Variants in CLEC4A observed in about 807,000 individuals in gnomAD.
The protein encoded by CLEC4A is C-type (calcium dependent, carbohydrate-recognition domain) lectin, superfamily member 6.
A neutral mutation model predicts 32.7 loss-of-function variants in CLEC4A; 27 were observed. The observed-to-expected ratio is 0.83, with a 90% CI of 0.61 to 1.14. The LOEUF (loss-of-function observed/expected upper bound fraction) is 1.14. CLEC4A is among the 50% of genes most tolerant of loss of function. The pLI, the probability that CLEC4A is intolerant of heterozygous loss-of-function variation, is 0.00. For synonymous variants in CLEC4A, 89 were observed against 93.7 expected (o/e 0.95, Z 0.29); for missense variants, 253 against 274.6 (o/e 0.92, Z 0.55).
rs762037381 is a variant in CLEC4A at position 8,129,329 on chromosome 12, T to C, written c.265T>C (p.Leu89=). ...KTTKELVHTT[L]ECVKKNMPVE... Reference sequence around the variant, plus strand: ...TACAAAAGAGCTGGTTCATACAACATTGGAGTGTGTGAAAAAAAATATGCC... The same window carrying C: ...TACAAAAGAGCTGGTTCATACAACACTGGAGTGTGTGAAAAAAAATATGCC... The change falls in exon 3 of 6, where the codon TTG becomes CTG. Residue 89 remains leucine (L), a synonymous_variant. Transcript: ENST00000229332. 4.9e-5 allele frequency: 79 copies of C among 1,607,618 alleles called. No homozygotes were observed. The highest frequency in any genetic ancestry group is 3.8e-4 in the South Asian group (34 of 89,624).
chr12:8,115,919 G>A, the CLEC4A span, among the ~76,000 whole-genome samples: 33 of 152,094 alleles, frequency 2.2e-4, no homozygotes, highest in Non-Finnish European at 4.0e-4. Context: ...CTCCTAAGAA[G>A]CTGGGACTAT....
chr12:8,108,424 G>A, the CLEC4A span, among the ~76,000 whole-genome samples: 2 of 152,052 alleles, frequency 1.3e-5, no homozygotes, highest in Non-Finnish European at 2.9e-5. Flanking sequence ...TTTTTTTGTA[G>A]CCTTTTCAAA....
At chr12:8,122,786 T>G (rs1947845361), upstream of CLEC4A, among the ~76,000 whole-genome samples, 1 of 151,980 alleles carries the variant, frequency 6.6e-6, no homozygotes, top group East Asian at 1.9e-4. Context: ...TATTTAGATA[T>G]AGAAATAATA....
chr12:8,129,161 G>A, intron 2 of CLEC4A, 103 bp from the exon 3 acceptor site: 4 of 674,926 alleles, frequency 5.9e-6, no homozygotes, highest in Middle Eastern at 4.2e-4. Context: ...CAGTAATAGG[G>A]CATTTGTAAG....
intron 3 of CLEC4A, among the ~76,000 whole-genome samples, chr12:8,130,506 G>A (rs981202487): frequency 2.0e-5 from 3 of 151,864 alleles, no homozygotes; most frequent in Non-Finnish European, 4.4e-5. Flanking sequence ...CCAGTAGCTG[G>A]GATCAAAGGT....
chr12:8,115,362 T>G, the CLEC4A span, among the ~76,000 whole-genome samples: 1 of 152,154 alleles, frequency 6.6e-6, no homozygotes, highest in Non-Finnish European at 1.5e-5. Context: ...ATTCTCAAAA[T>G]TATGGATTTA....
intron 5 of CLEC4A, 43 bp from the exon 6 acceptor site, chr12:8,138,097 G>T (rs200860072): frequency 6.3e-7 from 1 of 1,593,368 alleles, no homozygotes; most frequent in Non-Finnish European, 8.6e-7. Flanking sequence ...CCTTTTCAAA[G>T]CTCTGTTTGA....
chr12:8,125,584 C>T lies in CLEC4A; in HGVS notation c.106C>T (p.His36Tyr). ...AGCTTCCAAGGAGAGGACTGCCCCT[C>T]ACAAAAGTAATACCGGATTCCCCAA... ...SAASKERTAP[H>Y]KSNTGFPKLL... Residue 36 changes from histidine to tyrosine, a missense_variant, in exon 2 of 6, where the codon CAC becomes TAC. Coordinates refer to ENST00000229332, the MANE Select transcript of CLEC4A (RefSeq NM_016184.4). 6.2e-7 allele frequency: 1 copy of T among 1,611,936 alleles called. No homozygotes were observed. Among genetic ancestry groups the T allele is most frequent in the South Asian group, 1.1e-5 (1 of 91,040 alleles).
chr12:8,126,027 T>G (rs1591606741), intron 2 of CLEC4A, among the ~76,000 whole-genome samples: 1 of 152,190 alleles, frequency 6.6e-6, no homozygotes, highest in East Asian at 1.9e-4. Context: ...CCAGTCTGAT[T>G]TGAATGCACA....
the CLEC4A span, among the ~76,000 whole-genome samples, chr12:8,111,167 T>C: frequency 7.0e-6 from 1 of 143,696 alleles, no homozygotes; most frequent in African/African-American, 2.5e-5. Context: ...CCACCGCGCC[T>C]GGCCCAACAT....
chr12:8,115,587 C>T, the CLEC4A span, among the ~76,000 whole-genome samples: 3 of 152,116 alleles, frequency 2.0e-5, no homozygotes, highest in East Asian at 3.9e-4. Context: ...TCTTGTAAAA[C>T]GGTGAGATGT....
In CLEC4A at chr12:8,138,186, GT is replaced by G; in HGVS notation, c.614del (p.Val205GlyfsTer2). On this transcript the variant is annotated frameshift_variant, in exon 6 of 6. Coordinates refer to ENST00000229332, the MANE Select transcript of CLEC4A (RefSeq NM_016184.4). LOFTEE classifies it high-confidence loss of function. Reference sequence around the variant, plus strand: ...CAGTGATCCCAATGAGCGCTGCGTTGTGCTAAATTTTCGTAAATCACCCAAA... The same window carrying G: ...CAGTGATCCCAATGAGCGCTGCGTTGGCTAAATTTTCGTAAATCACCCAAA... Reference protein sequence around the residue: ...EPSDPNERCVVLNFRKSPKRW... With the variant: ...EPSDPNERCVXLNFRKSPKRW... 2 of 1,614,144 alleles carry G rather than the reference GT, an allele frequency of 1.2e-6. No homozygotes were observed. The highest frequency in any genetic ancestry group is 1.7e-6 in the Non-Finnish European group (2 of 1,180,032).
At chr12:8,134,416 G>C (rs1253518037) in intron 3 of CLEC4A, 2 of 1,613,940 alleles carry the variant, frequency 1.2e-6, no homozygotes, top group Non-Finnish European at 1.7e-6. Context: ...AATTGCTCGA[G>C]TTCTTTCTGC....
At chr12:8,130,610 G>A (rs892657160) in intron 3 of CLEC4A, among the ~76,000 whole-genome samples, 1 of 152,066 alleles carries the variant, frequency 6.6e-6, no homozygotes, top group African/African-American at 2.4e-5. Flanking sequence ...TTGAATTCCT[G>A]GCTTCAAGCA....
At chr12:8,113,005 T>G in the CLEC4A span, among the ~76,000 whole-genome samples, 22 of 152,174 alleles carry the variant, frequency 1.4e-4, no homozygotes, top group African/African-American at 5.1e-4. Flanking sequence ...TTAGGGTACA[T>G]GTGCACAACG....
intron 3 of CLEC4A, chr12:8,134,154 G>C: frequency 1.2e-6 from 2 of 1,607,608 alleles, no homozygotes; most frequent in Non-Finnish European, 1.7e-6. Flanking sequence ...ATACTGGTTC[G>C]CTTTCTCTTT....
Position 8,136,911 on chromosome 12 carries a change from T to G in CLEC4A, c.566+8T>G. On this transcript the variant is annotated splice_region_variant and intron_variant, in intron 5 of 5. Coordinates refer to ENST00000229332, the MANE Select transcript of CLEC4A (RefSeq NM_016184.4). The stretch of plus-strand genomic sequence containing the variant: ...ATACAATGAAAGTTCCACGTGAGTA[T>G]AGAATGAGATAAAAGAATCTTGGGT... 2 of 1,572,046 alleles carry G rather than the reference T, an allele frequency of 1.3e-6. No individual in the cohort carries two copies. The highest frequency in any genetic ancestry group is 1.3e-5 in the African/African-American group (1 of 74,098).
chr12:8,119,265 C>A (rs143907662), upstream of CLEC4A, among the ~76,000 whole-genome samples: 3 of 152,334 alleles, frequency 2.0e-5, no homozygotes, highest in African/African-American at 7.2e-5. Flanking sequence ...GCTACTGTTG[C>A]CCAGGCTGGA....
chr12:8,126,463 G>T (rs190587062), intron 2 of CLEC4A, among the ~76,000 whole-genome samples: 1 of 148,990 alleles, frequency 6.7e-6, no homozygotes, highest in East Asian at 2.0e-4. Flanking sequence ...CAAGCAGTCT[G>T]CCTACCTCAG....
Sources: allele counts gnomAD v4.1 joint callset (sites outside exome capture counted in the v4.1 genomes callset), GRCh38; gene constraint gnomAD v4.1.1; transcripts MANE v1.5; gene names NCBI Gene and HGNC (gene_info 2026-07-23, HGNC 2026-07-21).